PRR5: variants seen among roughly 807,000 people sequenced by gnomAD.
PRR5 encodes proline-rich protein 5.
Under a neutral mutation model 30.6 loss-of-function variants are expected in PRR5, and 25 were observed. The ratio of observed to expected loss-of-function variants is 0.82; its 90% CI spans 0.60 to 1.14. The LOEUF (loss-of-function observed/expected upper bound fraction) is 1.14. Among genes scored for constraint, PRR5 ranks in the 50% most tolerant of loss-of-function variants. The pLI, the probability that PRR5 is intolerant of heterozygous loss-of-function variation, is 0.00. For synonymous variants in PRR5, 286 were observed against 247.1 expected (o/e 1.16, Z -1.48); for missense variants, 600 against 547.1 (o/e 1.10, Z -0.96).
At chr22:44,721,917 G>C (rs763218) in intron 2 of PRR5, among the ~76,000 whole-genome samples, 94,044 of 152,082 alleles carry the variant, frequency 0.62, 29,896 homozygotes, top group African/African-American at 0.76. Flanking sequence ...TGGCATCACT[G>C]AAAGTGGCCC....
At chr22:44,694,195 C>T (rs1925545178) in intron 1 of PRR5, among the ~76,000 whole-genome samples, 1 of 152,124 alleles carries the variant, frequency 6.6e-6, no homozygotes, top group Admixed American at 6.6e-5. Context: ...TGGTGCTGGC[C>T]CAGCCCATCC....
intron 1 of PRR5, among the ~76,000 whole-genome samples, chr22:44,678,114 G>A (rs1196287488): frequency 6.6e-6 from 1 of 152,142 alleles, no homozygotes; most frequent in Non-Finnish European, 1.5e-5. Context: ...GGCTGCATGC[G>A]GGCTCTTGAT....
chr22:44,679,850 G>A lies in PRR5; in HGVS notation c.-11+2610G>A, dbSNP rs752431281. On this transcript the variant is annotated intron_variant, in intron 1 of 8. Transcript: ENST00000006251. Reference sequence around the variant, plus strand: ...GGGAAGCCTGGGGCTCGGGAAGCCCGGAAAAGATGCCGGCGCAGCCTGAGG... The same window carrying A: ...GGGAAGCCTGGGGCTCGGGAAGCCCAGAAAAGATGCCGGCGCAGCCTGAGG... 8 of 1,598,220 alleles carry A rather than the reference G, an allele frequency of 5.0e-6. No homozygotes were observed. The Admixed American group carries it at 8.7e-5, about 17-fold the overall frequency.
intron 2 of PRR5, 106 bp downstream of exon 2, chr22:44,714,777 C>T: frequency 7.0e-7 from 1 of 1,424,592 alleles, no homozygotes; most frequent in South Asian, 1.3e-5. Context: ...CACGCCTGTG[C>T]TTCCTCCCCT....
At chr22:44,674,676 G>A (rs1051186470), upstream of PRR5, among the ~76,000 whole-genome samples, 7 of 150,072 alleles carry the variant, frequency 4.7e-5, no homozygotes, top group South Asian at 6.3e-4. Flanking sequence ...AGCCAAGACC[G>A]CCACTGCACT....
chr22:44,686,429 C>T (rs981867157), intron 1 of PRR5, among the ~76,000 whole-genome samples: 2 of 151,976 alleles, frequency 1.3e-5, no homozygotes, highest in African/African-American at 2.4e-5. Flanking sequence ...GTGTGCCTCC[C>T]GGGATCAAAA....
At chr22:44,718,529 AT>A (rs1224787258) in intron 2 of PRR5, among the ~76,000 whole-genome samples, 2 of 152,158 alleles carry the variant, frequency 1.3e-5, no homozygotes, top group African/African-American at 4.8e-5. Flanking sequence ...TAGCAGTGGA[AT>A]TGCTGGGTCC....
chr22:44,712,709 G>A (rs55887944), intron 1 of PRR5, among the ~76,000 whole-genome samples: 5,291 of 152,310 alleles, frequency 0.035, 133 homozygotes, highest in Non-Finnish European at 0.052. Context: ...GGTGTGGGCA[G>A]CATCGTGTGG....
intron 1 of PRR5, among the ~76,000 whole-genome samples, chr22:44,703,702 A>G (rs1926737232): frequency 6.6e-6 from 1 of 152,140 alleles, no homozygotes; most frequent in Non-Finnish European, 1.5e-5. Flanking sequence ...TCCCTGACCC[A>G]ACGACTGCAC....
In PRR5 at chr22:44,725,999, G is replaced by C. The variant is rs544332636; in HGVS notation, c.265-578G>C. 9.9e-4 allele frequency among the ~76,000 whole-genome samples: 150 copies of C among 152,284 alleles called. 9 individuals are homozygous for C. Among genetic ancestry groups the C allele is most frequent in the East Asian group, 5.0e-3 (26 of 5,178 alleles). On this transcript the variant is annotated intron_variant, in intron 3 of 7. Coordinates refer to ENST00000336985, the MANE Select transcript of PRR5 (RefSeq NM_181333.4). ...CATTTCATATTGGTGGCATAACACG[G>C]CCTGCGGACTTTTGTCTGGACTCTT...
At chr22:44,715,354 T>C (rs5765924) in intron 2 of PRR5, among the ~76,000 whole-genome samples, 37,129 of 152,166 alleles carry the variant, frequency 0.24, 5,234 homozygotes, top group South Asian at 0.41. Flanking sequence ...CTTGTCCCTG[T>C]GTCAAAAGAA....
At chr22:44,728,043 G>T (rs1205928753) in intron 4 of PRR5, among the ~76,000 whole-genome samples, 1 of 152,234 alleles carries the variant, frequency 6.6e-6, no homozygotes, top group East Asian at 1.9e-4. Flanking sequence ...GCCTAGGGGA[G>T]CCGGGGCTCT....
intron 1 of PRR5, among the ~76,000 whole-genome samples, chr22:44,690,683 A>G (rs377239069): frequency 1.9e-3 from 296 of 152,338 alleles, no homozygotes; most frequent in African/African-American, 7.0e-3. Flanking sequence ...TGCACAGCCC[A>G]TGCTCTGAAT....
At chr22:44,709,051 A>C (rs1268289797) in intron 1 of PRR5, among the ~76,000 whole-genome samples, 1 of 150,534 alleles carries the variant, frequency 6.6e-6, no homozygotes, top group Non-Finnish European at 1.5e-5. Context: ...CTGGGATTCA[A>C]CCCAGGTCTC....
At chr22:44,726,509 G>T (rs924870545) in intron 3 of PRR5, 68 bp from the exon 4 acceptor site, 2 of 1,609,774 alleles carry the variant, frequency 1.2e-6, no homozygotes, top group East Asian at 2.2e-5. Context: ...ACTCTCGGGG[G>T]CCCTGCTGGC....
chr22:44,726,651 TGGC>T lies in PRR5; in HGVS notation c.322+21_322+23del. 1.2e-6 allele frequency: 2 copies of T among 1,613,908 alleles called. No homozygotes were observed. The highest frequency in any genetic ancestry group is 8.5e-7 in the Non-Finnish European group (1 of 1,180,006). On this transcript the variant is annotated intron_variant, in intron 4 of 7. Transcript: ENST00000336985. ...TCTATGAGGGTGAGTGTGGGCCCCT[TGGC>T]GGCCACTCTGGGCCATGCTGGGTCC...
At chr22:44,700,692 C>T (rs1470289314), upstream of PRR5, among the ~76,000 whole-genome samples, 1 of 152,084 alleles carries the variant, frequency 6.6e-6, no homozygotes, top group Non-Finnish European at 1.5e-5. Context: ...GCCTGTGGGC[C>T]CCAAGCTGCC....
intron 2 of PRR5, among the ~76,000 whole-genome samples, chr22:44,724,754 G>A (rs1009671004): frequency 4.6e-5 from 7 of 152,232 alleles, no homozygotes; most frequent in Non-Finnish European, 7.3e-5. Context: ...GTAATAAAAG[G>A]GGAACCCCGG....
upstream of PRR5, among the ~76,000 whole-genome samples, chr22:44,698,534 G>A (rs747189266): frequency 6.6e-6 from 1 of 152,196 alleles, no homozygotes; most frequent in East Asian, 1.9e-4. Flanking sequence ...AGGGTACCCC[G>A]CCACAATACA....
Sources: gnomAD v4.1 joint callset for allele counts (sites outside exome capture counted in the v4.1 genomes callset) on GRCh38, gnomAD v4.1.1 for gene constraint, MANE v1.5 for transcripts, NCBI Gene and HGNC (gene_info 2026-07-23, HGNC 2026-07-21) for gene names.